NCOA1: variants seen among roughly 807,000 people sequenced by gnomAD.
The protein encoded by NCOA1 is nuclear receptor coactivator 1.
Under a neutral mutation model 150.9 loss-of-function variants are expected in NCOA1, and 35 were observed. The observed-to-expected ratio is 0.23, with a 90% CI of 0.18 to 0.31. The LOEUF (loss-of-function observed/expected upper bound fraction) is 0.31, where lower values mean the gene tolerates loss of function less well. Among genes scored for constraint, NCOA1 ranks in the 10% least tolerant of loss-of-function variants. The pLI is 1.00. For synonymous variants in NCOA1, 590 were observed against 630.0 expected (o/e 0.94, Z 0.95); for missense variants, 1,491 against 1,749.3 (o/e 0.85, Z 2.63).
At position 24,752,011 on chromosome 2, in the gene NCOA1, G is replaced by A; in HGVS notation, c.3736G>A (p.Ala1246Thr). Residue 1246 changes from alanine (A) to threonine (T), a missense_variant, in exon 20 of 23, where the codon GCT becomes ACT. Coordinates refer to ENST00000348332, the MANE Select transcript of NCOA1 (RefSeq NM_003743.5). ...GGTTCCCCAAGGTGAGGCCAACTTT[G>A]CTCCATCTCTAAGCCCTGGGAGCTC... is the stretch of plus-strand genomic sequence containing the variant. Reference protein sequence around the residue: ...GMVPQGEANFAPSLSPGSSMV... With the variant: ...GMVPQGEANFTPSLSPGSSMV... 1 of 1,613,296 alleles carries A rather than the reference G, an allele frequency of 6.2e-7. No homozygotes were observed. The highest frequency in any genetic ancestry group is 8.5e-7 in the Non-Finnish European group (1 of 1,179,584).
chr2:24,720,524 T>C (rs1674306465), intron 14 of NCOA1, among the ~76,000 whole-genome samples: 1 of 152,142 alleles, frequency 6.6e-6, no homozygotes, highest in Non-Finnish European at 1.5e-5. Context: ...CGTGCTAATA[T>C]GTTCGCAAAG....
intron 1 of NCOA1, among the ~76,000 whole-genome samples, chr2:24,503,361 G>C (rs1558747095): frequency 6.6e-6 from 1 of 152,114 alleles, no homozygotes; most frequent in South Asian, 2.1e-4. Context: ...AAAAACTTGT[G>C]TTCCTTCCTC....
At chr2:24,704,226 T>G (rs924905513) in intron 11 of NCOA1, among the ~76,000 whole-genome samples, 2 of 152,178 alleles carry the variant, frequency 1.3e-5, no homozygotes, top group African/African-American at 2.4e-5. Context: ...ACTTGTCAAA[T>G]GGGACCTTAG....
chr2:24,515,725 G>A (rs770751702), intron 1 of NCOA1, among the ~76,000 whole-genome samples: 26 of 152,296 alleles, frequency 1.7e-4, no homozygotes, highest in Non-Finnish European at 1.9e-4. Flanking sequence ...ATGTTAAAAA[G>A]TAGGAGGGAG....
At chr2:24,698,915 T>C (rs1285657421) in intron 11 of NCOA1, among the ~76,000 whole-genome samples, 2 of 152,176 alleles carry the variant, frequency 1.3e-5, no homozygotes, top group Non-Finnish European at 2.9e-5. Context: ...AATATCACAA[T>C]CCAGGTATTT....
At position 24,728,329 on chromosome 2, in the gene NCOA1, A is replaced by G. The variant is rs768559781; in HGVS notation, c.2739A>G (p.Leu913=). The G allele has an allele frequency of 6.2e-6, 10 of 1,612,566 alleles. No individual in the cohort carries two copies. Among genetic ancestry groups the G allele is most frequent in the Non-Finnish European group, 8.5e-6 (10 of 1,179,346 alleles). Residue 913 remains leucine (L), a synonymous_variant, in exon 16 of 23, where the codon TTA becomes TTG. Transcript: ENST00000348332. ...GCAGCCAGTGTATTAGCTCACAATTAGATGAGCTTCTCTGTCCACCCACAA... is the reference window on the plus strand; with the variant it reads ...GCAGCCAGTGTATTAGCTCACAATTGGATGAGCTTCTCTGTCCACCCACAA... ...KSEDQCISSQ[L]DELLCPPTTV...
At chr2:24,581,716 A>G (rs1423039239) in intron 2 of NCOA1, among the ~76,000 whole-genome samples, 3 of 152,184 alleles carry the variant, frequency 2.0e-5, no homozygotes, top group Admixed American at 6.5e-5. Flanking sequence ...AAAATCCTCA[A>G]TGAAATACTA....
At chr2:24,622,856 T>C (rs1041325387) in intron 3 of NCOA1, among the ~76,000 whole-genome samples, 1 of 152,314 alleles carries the variant, frequency 6.6e-6, no homozygotes, top group South Asian at 2.1e-4. Context: ...TTTATTGAGG[T>C]GTCACATAAA....
At position 24,659,064 on chromosome 2, in the gene NCOA1, A is replaced by G. The variant is rs1671067711; in HGVS notation, c.89+298A>G. 1.5e-5 allele frequency: 4 copies of G among 275,274 alleles called. No individual in the cohort carries two copies. In the South Asian group the frequency reaches 2.6e-4, roughly 18 times the overall value. The allele number at this position is 275,274 out of a possible 1,614,324, so 17.1% of individuals were successfully genotyped here. A position where few individuals can be genotyped will look rare whatever the true frequency, so the allele number is the denominator to read the frequency against. On this transcript the variant is annotated intron_variant, in intron 5 of 22. Coordinates refer to ENST00000348332, the MANE Select transcript of NCOA1 (RefSeq NM_003743.5). Reference sequence around the variant, plus strand: ...ACTGTTAGATCAAGTTCCTCCATTCATGTATCTGTCTCAGATGTTTTTATA... The same window carrying G: ...ACTGTTAGATCAAGTTCCTCCATTCGTGTATCTGTCTCAGATGTTTTTATA...
Position 24,752,076 on chromosome 2 carries a change from T to G in NCOA1, c.3801T>G (p.Leu1267=), listed in dbSNP as rs11125763. ...PMPIPPPQSS[L]LQQTPPASGY... ...CAATCCCTCCTCCTCAGAGTTCTCT[T>G]CTCCAGCAAACTCCACCTGCCTCCG... The change falls in exon 20 of 23, where the codon CTT becomes CTG. Residue 1267 remains leucine (L), a synonymous_variant. Transcript: ENST00000348332. The G allele has an allele frequency of 0.89, 1,436,659 of 1,613,934 alleles. 642,076 individuals are homozygous for G. The highest frequency in any genetic ancestry group is 0.99 in the East Asian group (44,463 of 44,880).
chr2:24,579,298 G>A (rs76137453), intron 2 of NCOA1, among the ~76,000 whole-genome samples: 9,947 of 152,194 alleles, frequency 0.065, 365 homozygotes, highest in Non-Finnish European at 0.08. Flanking sequence ...CTGACAGTAG[G>A]AATTGACTGG....
intron 10 of NCOA1, among the ~76,000 whole-genome samples, chr2:24,696,822 A>G (rs1672921378): frequency 6.6e-6 from 1 of 152,076 alleles, no homozygotes; most frequent in Non-Finnish European, 1.5e-5. Context: ...TGGTAACGTC[A>G]AGTTCTGAAG....
chr2:24,604,468 ATAGT>A (rs1668267977), intron 3 of NCOA1, among the ~76,000 whole-genome samples: 1 of 152,226 alleles, frequency 6.6e-6, no homozygotes, highest in African/African-American at 2.4e-5. Flanking sequence ...CACTTTCATC[ATAGT>A]TAGATCTTCT....
chr2:24,751,125 T>C (rs896584594), intron 19 of NCOA1, among the ~76,000 whole-genome samples: 12 of 151,132 alleles, frequency 7.9e-5, no homozygotes, highest in Non-Finnish European at 7.4e-5. Context: ...GTAGCTGAGA[T>C]AACAGGCGTT....
rs1326739895 is a variant in NCOA1 at position 24,719,637 on chromosome 2, GAAAACCAAAAGAGAC to G, written c.2600-6936_2600-6922del. ...TCCTGGAAGATGTCCTTAAACAGGG[GAAAACCAAAAGAGAC>G]AAAACCAAAAGAGACGGAGGAAGCA... On this transcript the variant is annotated intron_variant, in intron 14 of 22. Coordinates refer to ENST00000348332, the MANE Select transcript of NCOA1 (RefSeq NM_003743.5). Among the ~76,000 whole-genome samples, 7 of 152,134 alleles carry G rather than the reference GAAAACCAAAAGAGAC, an allele frequency of 4.6e-5. No homozygotes were observed. The East Asian group carries it at 7.7e-4, about 17-fold the overall frequency.
At chr2:24,705,000 G>A (rs1161059258) in intron 11 of NCOA1, 86 bp from the exon 12 acceptor site, 2 of 1,432,392 alleles carry the variant, frequency 1.4e-6, no homozygotes, top group Non-Finnish European at 1.9e-6. Context: ...TTAAAATGAG[G>A]TTCTAAGTAG....
chr2:24,530,105 A>T (rs1379044175), intron 1 of NCOA1, among the ~76,000 whole-genome samples: 2 of 152,228 alleles, frequency 1.3e-5, no homozygotes, highest in African/African-American at 4.8e-5. Flanking sequence ...TAGAGTTGAC[A>T]GTAGCTTATC....
intron 6 of NCOA1, 118 bp from the exon 7 acceptor site, chr2:24,673,248 G>C (rs1671760949): frequency 8.5e-6 from 5 of 585,110 alleles, no homozygotes; most frequent in Non-Finnish European, 8.7e-6. Context: ...AAAGTGCCTA[G>C]ATACTGACTA....
intron 21 of NCOA1, among the ~76,000 whole-genome samples, 170 bp downstream of exon 21, chr2:24,758,326 C>CTTTTT (rs772274757): frequency 1.2e-4 from 14 of 121,202 alleles, no homozygotes; most frequent in South Asian, 2.7e-4. Flanking sequence ...TTTTGACAGA[C>CTTTTT]TTTTTTTTTT....
Sources: gnomAD v4.1 joint callset for allele counts (sites outside exome capture counted in the v4.1 genomes callset) on GRCh38, gnomAD v4.1.1 for gene constraint, MANE v1.5 for transcripts, NCBI Gene and HGNC (gene_info 2026-07-23, HGNC 2026-07-21) for gene names.